EXOC2: variants seen among roughly 807,000 people sequenced by gnomAD.
EXOC2 encodes the protein SEC5-like 1.
In EXOC2, 70 loss-of-function variants were observed where a neutral mutation model predicts 131.8. The observed-to-expected ratio is 0.53, with a 90% confidence interval of 0.44 to 0.65. The LOEUF is 0.65. EXOC2 is among the 30% of genes least tolerant of loss of function. EXOC2 has a pLI of 0.00. For missense variants in EXOC2, 923 were observed against 1,108.6 expected (o/e 0.83, Z 2.38); for synonymous variants, 411 against 398.4 (o/e 1.03, Z -0.38).
At chr6:690,309 CTG>C (rs1764858921) in intron 1 of EXOC2, among the ~76,000 whole-genome samples, 2 of 152,132 alleles carry the variant, frequency 1.3e-5, no homozygotes, top group Admixed American at 1.3e-4. Flanking sequence ...TGTGTTGTGA[CTG>C]TGCCACTGCA....
intron 1 of EXOC2, among the ~76,000 whole-genome samples, chr6:663,872 G>A (rs768757983): frequency 2.6e-5 from 4 of 152,098 alleles, no homozygotes; most frequent in Admixed American, 1.3e-4. Flanking sequence ...CTCTGAGAAC[G>A]GGAACAAGAC....
chr6:556,072 A>T, intron 18 of EXOC2, 59 bp from the exon 19 acceptor site: 1 of 1,479,494 alleles, frequency 6.8e-7, no homozygotes. Flanking sequence ...GTTTTTGTAT[A>T]TGAAGTTAGA....
At chr6:651,487 C>A (rs1762828518) in intron 1 of EXOC2, among the ~76,000 whole-genome samples, 1 of 150,912 alleles carries the variant, frequency 6.6e-6, no homozygotes, top group African/African-American at 2.4e-5. Flanking sequence ...AACCCCATCT[C>A]TAATAAAAAT....
At chr6:688,539 A>T (rs1478499036) in intron 1 of EXOC2, among the ~76,000 whole-genome samples, 1 of 152,202 alleles carries the variant, frequency 6.6e-6, no homozygotes, top group Non-Finnish European at 1.5e-5. Flanking sequence ...AAGTTGAGGG[A>T]CTATAAGCAA....
At chr6:611,471 T>C (rs1002860879) in intron 6 of EXOC2, among the ~76,000 whole-genome samples, 9 of 152,256 alleles carry the variant, frequency 5.9e-5, no homozygotes, top group Admixed American at 1.3e-4. Flanking sequence ...TTTCTGATGC[T>C]GACAAAACCC....
At chr6:515,657 GC>G (rs1765112271) in intron 23 of EXOC2, among the ~76,000 whole-genome samples, 1 of 151,144 alleles carries the variant, frequency 6.6e-6, no homozygotes, top group Non-Finnish European at 1.5e-5. Context: ...CACAGCTGGG[GC>G]GGTCCTAGGA....
chr6:552,666 CCTGAATTT>C (rs1209974190), intron 21 of EXOC2, among the ~76,000 whole-genome samples: 1 of 152,112 alleles, frequency 6.6e-6, no homozygotes, highest in Non-Finnish European at 1.5e-5. Context: ...CTGTGTTTTC[CCTGAATTT>C]CTGTCTCAGT....
chr6:537,148 G>A (rs1254476206), intron 22 of EXOC2, among the ~76,000 whole-genome samples: 1 of 152,194 alleles, frequency 6.6e-6, no homozygotes, highest in African/African-American at 2.4e-5. Context: ...TTATAACCGA[G>A]TTTATGACCG....
chr6:590,149 T>C (rs1306452371), intron 11 of EXOC2, among the ~76,000 whole-genome samples: 2 of 150,260 alleles, frequency 1.3e-5, no homozygotes, highest in Non-Finnish European at 3.0e-5. Context: ...TGGACTCTGA[T>C]GGGCCCTTAA....
At chr6:517,904 A>G (rs554762770) in intron 23 of EXOC2, among the ~76,000 whole-genome samples, 155 of 152,286 alleles carry the variant, frequency 1.0e-3, no homozygotes, top group Admixed American at 2.2e-3. Context: ...AGAACAAAAA[A>G]CCCGATTTAT....
intron 10 of EXOC2, among the ~76,000 whole-genome samples, chr6:597,627 T>C (rs1759891563): frequency 6.6e-6 from 1 of 152,234 alleles, no homozygotes; most frequent in Non-Finnish European, 1.5e-5. Flanking sequence ...CACATTCTTG[T>C]GGCATAATGC....
intron 1 of EXOC2, among the ~76,000 whole-genome samples, chr6:680,374 T>C (rs2127796984): frequency 6.6e-6 from 1 of 152,334 alleles, no homozygotes; most frequent in South Asian, 2.1e-4. Context: ...AACAAGGGCC[T>C]ATGCTTATAT....
chr6:660,048 C>T (rs182632714), intron 1 of EXOC2, among the ~76,000 whole-genome samples: 52 of 152,016 alleles, frequency 3.4e-4, no homozygotes, highest in African/African-American at 1.2e-3. Flanking sequence ...TTCAGTTTTG[C>T]GTGGGAGCTG....
At chr6:598,476 G>A (rs1398857372) in intron 9 of EXOC2, among the ~76,000 whole-genome samples, 1 of 152,176 alleles carries the variant, frequency 6.6e-6, no homozygotes, top group Non-Finnish European at 1.5e-5. Flanking sequence ...AACTTCAAAA[G>A]TTGCTGAGCT....
chr6:564,172 C>T lies in EXOC2; in HGVS notation c.1668-18G>A. 6.2e-7 allele frequency: 1 copy of T among 1,612,548 alleles called. No individual in the cohort carries two copies. Among genetic ancestry groups the T allele is most frequent in the Non-Finnish European group, 8.5e-7 (1 of 1,179,296 alleles). On this transcript the variant is annotated intron_variant, in intron 15 of 27. Coordinates refer to ENST00000230449, the MANE Select transcript of EXOC2 (RefSeq NM_018303.6). ...GAGTAAGTCTGCGAACAAACACATC[C>T]AAACAGAAGTGAGCAGAGTGGGATC...
chr6:541,972 C>A (rs536740428), intron 22 of EXOC2, among the ~76,000 whole-genome samples: 178 of 152,316 alleles, frequency 1.2e-3, no homozygotes, highest in African/African-American at 3.8e-3. Flanking sequence ...AACATGGATA[C>A]ATCTCAAAAT....
intron 7 of EXOC2, among the ~76,000 whole-genome samples, chr6:605,858 T>C (rs1760382129): frequency 6.6e-6 from 1 of 152,272 alleles, no homozygotes; most frequent in African/African-American, 2.4e-5. Flanking sequence ...AATTTCCCTC[T>C]ACACACTGCT....
chr6:492,134 A>G (rs890056152), intron 25 of EXOC2, among the ~76,000 whole-genome samples: 6 of 152,266 alleles, frequency 3.9e-5, no homozygotes, highest in Non-Finnish European at 8.8e-5. Flanking sequence ...CAAAACAGAT[A>G]AAGTGGACTT....
chr6:663,147 C>T (rs1313236203), intron 1 of EXOC2, among the ~76,000 whole-genome samples: 1 of 152,046 alleles, frequency 6.6e-6, no homozygotes, highest in Admixed American at 6.6e-5. Flanking sequence ...ACAAAAGATC[C>T]CTCAAGGCTA....
Sources: allele counts gnomAD v4.1 joint callset (sites outside exome capture counted in the v4.1 genomes callset), GRCh38; gene constraint gnomAD v4.1.1; transcripts MANE v1.5; gene names NCBI Gene and HGNC (gene_info 2026-07-23, HGNC 2026-07-21).